PDE10A: variants seen among roughly 807,000 people sequenced by gnomAD.
The protein encoded by PDE10A is cAMP and cAMP-inhibited cGMP 3',5'-cyclic phosphodiesterase 10A.
Under a neutral mutation model 97.7 loss-of-function variants are expected in PDE10A, and 39 were observed. The observed-to-expected ratio is 0.40, with a 90% CI of 0.31 to 0.52. The LOEUF (loss-of-function observed/expected upper bound fraction) is 0.52, where lower values mean the gene tolerates loss of function less well. Ranked by LOEUF, PDE10A falls within the 20% of genes least tolerant of loss-of-function variation. The pLI is 0.56. For synonymous variants in PDE10A, 371 were observed against 376.8 expected (o/e 0.98, Z 0.18); for missense variants, 731 against 1,047.8 (o/e 0.70, Z 4.17).
At chr6:165,807,534 G>A (rs1266157710) in intron 1 of PDE10A, among the ~76,000 whole-genome samples, 1 of 152,152 alleles carries the variant, frequency 6.6e-6, no homozygotes, top group Non-Finnish European at 1.5e-5. Flanking sequence ...TTGAGAGCCT[G>A]GGGGCCAGGA....
chr6:165,730,379 C>G (rs972981316), intron 1 of PDE10A, among the ~76,000 whole-genome samples: 5 of 152,178 alleles, frequency 3.3e-5, no homozygotes, highest in Non-Finnish European at 7.3e-5. Flanking sequence ...AAATAAATCA[C>G]GTCCCCCATC....
chr6:165,666,535 G>T (rs1421230455), upstream of PDE10A, among the ~76,000 whole-genome samples: 1 of 151,990 alleles, frequency 6.6e-6, no homozygotes, highest in Non-Finnish European at 1.5e-5. Flanking sequence ...ATGTCATTCA[G>T]GTGTGATGTG....
At chr6:165,562,041 C>T (rs1417912396) in intron 1 of PDE10A, among the ~76,000 whole-genome samples, 1 of 151,982 alleles carries the variant, frequency 6.6e-6, no homozygotes, top group Non-Finnish European at 1.5e-5. Flanking sequence ...GAGGCCGAGG[C>T]AGGAGGATCA....
intron 1 of PDE10A, among the ~76,000 whole-genome samples, chr6:165,815,532 C>A (rs79108178): frequency 0.054 from 8,223 of 152,160 alleles, 226 homozygotes; most frequent in Non-Finnish European, 0.065. Flanking sequence ...CCACCCAAGG[C>A]CTCAGATGTT....
intron 13 of PDE10A, among the ~76,000 whole-genome samples, chr6:165,412,694 C>T (rs1307666941): frequency 6.6e-6 from 1 of 152,018 alleles, no homozygotes; most frequent in African/African-American, 2.4e-5. Flanking sequence ...GGTATGTCTC[C>T]GCTTGTCCTA....
At position 165,332,816 on chromosome 6, in the gene PDE10A, C is replaced by T; in HGVS notation, c.*209G>A. The T allele has an allele frequency of 3.9e-6, 2 of 509,220 alleles. No individual in the cohort carries two copies. Among genetic ancestry groups the T allele is most frequent in the Non-Finnish European group, 6.9e-6 (2 of 289,264 alleles). The allele number at this position is 509,220 out of a possible 1,614,324, so 31.5% of individuals were successfully genotyped here. ...CTGATTTCTGAACGTGGGGGTGGTC[C>T]TGGTTGCTCAGTGTCTATGATGCCT... On this transcript the variant is annotated 3_prime_UTR_variant, in exon 22 of 22. Transcript: ENST00000539869.
intron 1 of PDE10A, among the ~76,000 whole-genome samples, chr6:165,865,696 AT>A (rs1173008782): frequency 6.6e-6 from 1 of 152,014 alleles, no homozygotes; most frequent in Non-Finnish European, 1.5e-5. Flanking sequence ...CAAAACAAAT[AT>A]TTTCTGCACT....
At chr6:165,936,896 G>T (rs1323490113) in intron 1 of PDE10A, among the ~76,000 whole-genome samples, 1 of 152,198 alleles carries the variant, frequency 6.6e-6, no homozygotes, top group Non-Finnish European at 1.5e-5. Context: ...AACTGAGAAA[G>T]GGCATTTGTG....
intron 2 of PDE10A, among the ~76,000 whole-genome samples, chr6:165,501,810 A>C (rs1360340710): frequency 6.6e-6 from 1 of 152,218 alleles, no homozygotes; most frequent in Non-Finnish European, 1.5e-5. Context: ...TCTGTAAAAT[A>C]TATATGGTAA....
chr6:165,659,071 G>A (rs1790105361), intron 1 of PDE10A, among the ~76,000 whole-genome samples: 1 of 152,180 alleles, frequency 6.6e-6, no homozygotes, highest in Non-Finnish European at 1.5e-5. Flanking sequence ...GTTGTTTGGT[G>A]CATGAGTGAG....
At chr6:165,524,100 G>A (rs897935534) in intron 2 of PDE10A, among the ~76,000 whole-genome samples, 1 of 152,162 alleles carries the variant, frequency 6.6e-6, no homozygotes, top group African/African-American at 2.4e-5. Flanking sequence ...CAGTTATTCA[G>A]TTTTGGGACT....
intron 3 of PDE10A, among the ~76,000 whole-genome samples, chr6:165,454,563 G>A (rs1777835472): frequency 6.6e-6 from 1 of 152,148 alleles, no homozygotes. Context: ...TGAATAAAAG[G>A]ATGAGTTTGG....
intron 1 of PDE10A, among the ~76,000 whole-genome samples, chr6:165,701,687 G>A (rs935279793): frequency 2.0e-5 from 3 of 148,458 alleles, no homozygotes; most frequent in African/African-American, 7.5e-5. Context: ...GTGTGTGCAT[G>A]TAAGTGTGTT....
intron 1 of PDE10A, among the ~76,000 whole-genome samples, chr6:165,761,519 TG>T (rs1276802011): frequency 6.6e-6 from 1 of 152,222 alleles, no homozygotes; most frequent in Non-Finnish European, 1.5e-5. Flanking sequence ...CCTTCATTTT[TG>T]CTTGATACAG....
At chr6:165,553,455 A>G (rs544076269) in intron 1 of PDE10A, among the ~76,000 whole-genome samples, 2 of 152,222 alleles carry the variant, frequency 1.3e-5, no homozygotes, top group Admixed American at 1.3e-4. Flanking sequence ...CAAATGCCTT[A>G]TAATAACTAT....
intron 13 of PDE10A, among the ~76,000 whole-genome samples, chr6:165,401,556 G>A (rs189888620): frequency 6.6e-6 from 1 of 152,238 alleles, no homozygotes; most frequent in Non-Finnish European, 1.5e-5. Flanking sequence ...CAAATCTGTG[G>A]GTAGCACAAA....
rs540491880 is a variant in PDE10A at position 165,893,844 on chromosome 6, C to G, written c.-615+93685G>C. Among the ~76,000 whole-genome samples the G allele has an allele frequency of 4.1e-3, 512 of 125,754 alleles. 1 individual carries two copies. The highest frequency in any genetic ancestry group is 0.014 in the African/African-American group (473 of 33,598). The allele number at this position is 125,754 out of a possible 152,430, so 82.5% of individuals were successfully genotyped here. A position where few individuals can be genotyped will look rare whatever the true frequency, so the allele number is the denominator to read the frequency against. On this transcript the variant is annotated intron_variant, in intron 1 of 19. Transcript: ENST00000366882. ...GTGCCATTTTTTTTTTTTTTTTTAGCTTTTGGCTTCCAAGATGGTGTCATG... is the reference window on the plus strand; with the variant it reads ...GTGCCATTTTTTTTTTTTTTTTTAGGTTTTGGCTTCCAAGATGGTGTCATG...
intron 3 of PDE10A, among the ~76,000 whole-genome samples, chr6:165,464,679 C>T (rs1182882910): frequency 6.6e-6 from 1 of 152,176 alleles, no homozygotes; most frequent in Non-Finnish European, 1.5e-5. Flanking sequence ...GTCCTCAAAA[C>T]AGCCACTCTT....
At chr6:165,562,677 T>G (rs941380818) in intron 1 of PDE10A, among the ~76,000 whole-genome samples, 1 of 152,164 alleles carries the variant, frequency 6.6e-6, no homozygotes, top group African/African-American at 2.4e-5. Context: ...CATGTTATAG[T>G]AGGTTAGCAG....
Sources: allele counts gnomAD v4.1 joint callset (sites outside exome capture counted in the v4.1 genomes callset), GRCh38; gene constraint gnomAD v4.1.1; transcripts MANE v1.5; gene names NCBI Gene and HGNC (gene_info 2026-07-23, HGNC 2026-07-21).